Variants in KCNC3 observed in about 807,000 individuals in gnomAD.
KCNC3 encodes voltage-gated potassium channel KCNC3.
A neutral mutation model predicts 43.9 loss-of-function variants in KCNC3; 22 were observed. The observed-to-expected ratio is 0.50, with a 90% CI of 0.36 to 0.72. The LOEUF is 0.72. KCNC3 is among the 30% of genes least tolerant of loss of function. The probability of loss-of-function intolerance (pLI) is 0.00; values close to 1 mark genes in which losing one functional copy is unlikely to be tolerated. For synonymous variants in KCNC3, 492 were observed against 488.0 expected (o/e 1.01, Z -0.11); for missense variants, 829 against 1,073.8 (o/e 0.77, Z 3.19).
Position 50,324,001 on chromosome 19 carries a change from TATGG to T in KCNC3, c.948_951del (p.His317LeufsTer6), listed in dbSNP as rs2037071504. 1 of 1,612,234 alleles carries T rather than the reference TATGG, an allele frequency of 6.2e-7. No homozygotes were observed. Among genetic ancestry groups the T allele is most frequent in the African/African-American group, 1.3e-5 (1 of 74,834 alleles). ...GCCTGGGTCACCGTCTTGTTGCTAA[TATGG>T]ATGAAGCCCTCATGGGTTTCCAGGC... On this transcript the variant is annotated frameshift_variant, in exon 2 of 5. Coordinates refer to ENST00000477616, the MANE Select transcript of KCNC3 (RefSeq NM_004977.3). LOFTEE classifies it high-confidence loss of function. This position sits in a 1 kb window ranked among gnomAD's most constrained non-coding sequence, Gnocchi z 4.1.
chr19:50,322,562 G>T (rs115192723), intron 2 of KCNC3, among the ~76,000 whole-genome samples: 1 of 152,032 alleles, frequency 6.6e-6, no homozygotes, highest in Non-Finnish European at 1.5e-5. Flanking sequence ...AGACCCTATC[G>T]GCTTCAGTCT....
Position 50,327,821 on chromosome 19 carries a change from G to T in KCNC3, c.870+392C>A, listed in dbSNP as rs113571177. Among the ~76,000 whole-genome samples, 1,004 of 151,984 alleles carry T rather than the reference G, an allele frequency of 6.6e-3. 7 individuals carry two copies. The highest frequency in any genetic ancestry group is 9.1e-3 in the Non-Finnish European group (619 of 67,958). On this transcript the variant is annotated intron_variant, in intron 1 of 4. Coordinates refer to ENST00000477616, the MANE Select transcript of KCNC3 (RefSeq NM_004977.3). ...ACGGTGACCAAGAGTAGTGAGAAGA[G>T]ATTTGATGGGGCCCAGGAGACATGA...
rs2036943004 is a variant in KCNC3 at position 50,315,735 on chromosome 19, G to C, written c.*380C>G. The C allele has an allele frequency of 6.5e-6, 1 of 153,624 alleles. No individual in the cohort carries two copies. Among genetic ancestry groups the C allele is most frequent in the South Asian group, 2.1e-4 (1 of 4,768 alleles). 9.5% of individuals were successfully genotyped at this position (153,624 alleles called of 1,614,324 possible). On this transcript the variant is annotated 3_prime_UTR_variant, in exon 5 of 5. Transcript: ENST00000477616. ...GCGGTGAGGCGGAGGGCTGGGGAGA[G>C]GGACATCTTTAAAGGGTCCAAGAAG...
chr19:50,324,472 G>T lies in KCNC3; in HGVS notation c.871-390C>A, dbSNP rs1220683638. ...TCTGCTGTGGGACGGGAGCCGCCAG[G>T]CCTAAGATCACACATCCTGTGTGTC... On this transcript the variant is annotated intron_variant, in intron 1 of 4. Transcript: ENST00000477616. This position sits in a 1 kb window ranked among gnomAD's most constrained non-coding sequence, Gnocchi z 4.1. Among the ~76,000 whole-genome samples the T allele has an allele frequency of 6.6e-6, 1 of 152,094 alleles. No individual in the cohort carries two copies. The highest frequency in any genetic ancestry group is 2.4e-5 in the African/African-American group (1 of 41,424).
At position 50,322,158 on chromosome 19, in the gene KCNC3, G is replaced by A. The variant is rs141031476; in HGVS notation, c.1978+817C>T. Among the ~76,000 whole-genome samples the A allele has an allele frequency of 2.6e-5, 4 of 151,952 alleles. 1 individual carries two copies. In the South Asian group the frequency reaches 6.2e-4, roughly 24 times the overall value. ...ACTTAAGGCGGGGCAGTGCAGGGGG[G>A]GGCCACCAGCCTCTCCTTCCTCCTA... On this transcript the variant is annotated intron_variant, in intron 2 of 4. Transcript: ENST00000477616.
At chr19:50,326,471 C>G (rs1232342719) in intron 1 of KCNC3, among the ~76,000 whole-genome samples, 1 of 152,048 alleles carries the variant, frequency 6.6e-6, no homozygotes, top group Admixed American at 6.6e-5. Context: ...TGCGGTGGCT[C>G]CAGGCGTCCC....
upstream of KCNC3, among the ~76,000 whole-genome samples, chr19:50,329,992 C>G (rs1228819221): frequency 6.6e-6 from 1 of 152,100 alleles, no homozygotes; most frequent in Non-Finnish European, 1.5e-5. Context: ...TGAGGCAGGG[C>G]GCAGTGGCTC....
In KCNC3 at chr19:50,324,722, A is replaced by G. The variant is rs2037082024; in HGVS notation, c.871-640T>C. On this transcript the variant is annotated intron_variant, in intron 1 of 4. Coordinates refer to ENST00000477616, the MANE Select transcript of KCNC3 (RefSeq NM_004977.3). The surrounding 1 kb of genome is among the most constrained non-coding windows in gnomAD (Gnocchi z 4.1). Reference sequence around the variant, plus strand: ...GCGTACGAAGGACTTGGCTCCAAACACAGTGCTTGGAGCAGTGCCTGGAAC... The same window carrying G: ...GCGTACGAAGGACTTGGCTCCAAACGCAGTGCTTGGAGCAGTGCCTGGAAC... Among the ~76,000 whole-genome samples, 1 of 152,062 alleles carries G rather than the reference A, an allele frequency of 6.6e-6. No individual in the cohort carries two copies. The highest frequency in any genetic ancestry group is 2.4e-5 in the African/African-American group (1 of 41,436).
In KCNC3 at chr19:50,323,147, T is replaced by G. The variant is rs1295610374; in HGVS notation, c.1806A>C (p.Pro602=). 2.0e-6 allele frequency: 3 copies of G among 1,531,432 alleles called. No homozygotes were observed. Among genetic ancestry groups the G allele is most frequent in the South Asian group, 2.4e-5 (2 of 83,596 alleles). 94.9% of individuals were successfully genotyped at this position (1,531,432 alleles called of 1,614,324 possible). A position where few individuals can be genotyped will look rare whatever the true frequency, so the allele number is the denominator to read the frequency against. The change falls in exon 2 of 5, where the codon CCA becomes CCC. Residue 602 remains proline (P), a synonymous_variant. Transcript: ENST00000477616. ...CGGCCACAGTCACCCCCATGGAGGG[T>G]GGGGTGATGGGTGGCGGCGGGCTGA... is the stretch of plus-strand genomic sequence containing the variant. ...GGISPPPPIT[P]PSMGVTVAGA... is the part of the protein sequence containing the mutation.
Position 50,320,308 on chromosome 19 carries a change from G to T in KCNC3, c.2212C>A (p.Pro738Thr). ...TCGGGCAAGAAGCTTGGGGGGCCTGGCTTACGCCAGTCTTGGGGGGGCAGT... is the reference window on the plus strand; with the variant it reads ...TCGGGCAAGAAGCTTGGGGGGCCTGTCTTACGCCAGTCTTGGGGGGGCAGT... ...PPLPPQDWRKPGPPSFLPDLN... is the reference protein window; with the variant it reads ...PPLPPQDWRKTGPPSFLPDLN... Residue 738 changes from proline to threonine, a missense_variant, in exon 4 of 5, where the codon CCA (proline) becomes ACA (threonine). Around this residue, in one of 7 missense-constraint regions of KCNC3, gnomAD observed 308 missense variants for 276.2 expected, o/e 1.11. Coordinates refer to ENST00000477616, the MANE Select transcript of KCNC3 (RefSeq NM_004977.3). 5.8e-6 allele frequency: 4 copies of T among 686,272 alleles called. No homozygotes were observed. Among genetic ancestry groups the T allele is most frequent in the Non-Finnish European group, 8.3e-6 (4 of 481,780 alleles). The allele number at this position is 686,272 out of a possible 1,614,324, so 42.5% of individuals were successfully genotyped here. A position where few individuals can be genotyped will look rare whatever the true frequency, so the allele number is the denominator to read the frequency against.
chr19:50,326,827 G>A (rs1228237396), intron 1 of KCNC3, among the ~76,000 whole-genome samples: 1 of 151,428 alleles, frequency 6.6e-6, no homozygotes, highest in Admixed American at 6.6e-5. Flanking sequence ...GAGAGCTTTG[G>A]GGAAAATCTA....
Position 50,328,460 on chromosome 19 carries a change from G to A in KCNC3, c.623C>T (p.Ala208Val). ...GGCGTTGGCGGCGTTGGCGGCGCCC[G>A]CGGGGTCGGGCGCCTCGAAGGAGTC... ...ALDSFEAPDP[A>V]GAANAANAAG... is the part of the protein sequence containing the mutation. Residue 208 changes from alanine to valine, a missense_variant, in exon 1 of 5, where the codon GCG becomes GTG. By Grantham distance (64) the Ala-to-Val change is moderately conservative. Around this residue, in one of 7 missense-constraint regions of KCNC3, gnomAD observed 121 missense variants for 247.4 expected, o/e 0.49. Transcript: ENST00000477616. The A allele has an allele frequency of 1.3e-6, 2 of 1,575,284 alleles. No individual in the cohort carries two copies. Among genetic ancestry groups the A allele is most frequent in the Non-Finnish European group, 1.7e-6 (2 of 1,161,438 alleles).
Position 50,323,079 on chromosome 19 carries a change from C to G in KCNC3, c.1874G>C (p.Arg625Thr), listed in dbSNP as rs913429586. The part of the protein sequence containing the change: ...AGPHTHPGLL[R>T]GGAGGLGIMG... ...GATCCCCAGCCCACCCGCTCCCCCC[C>G]TGAGCAGCCCGGGGTGCGTGTGGGG... The change falls in exon 2 of 5, where the codon AGG becomes ACG. Residue 625 changes from arginine (R) to threonine (T), a missense_variant. By Grantham distance (71) the Arg-to-Thr change is moderately conservative. Transcript: ENST00000477616. The G allele has an allele frequency of 2.6e-6, 4 of 1,540,024 alleles. No individual in the cohort carries two copies. The highest frequency in any genetic ancestry group is 2.4e-5 in the South Asian group (2 of 83,208).
chr19:50,316,714 C>T (rs1336731346), intron 4 of KCNC3, among the ~76,000 whole-genome samples: 7 of 151,550 alleles, frequency 4.6e-5, no homozygotes, highest in South Asian at 2.1e-4. Context: ...CCAGCCTGGG[C>T]GACAGAGCGA....
chr19:50,316,975 G>A (rs2036962974), intron 4 of KCNC3, among the ~76,000 whole-genome samples: 1 of 151,930 alleles, frequency 6.6e-6, no homozygotes, highest in Admixed American at 6.6e-5. Flanking sequence ...ATGGATTTTG[G>A]CATCATAGGC....
At chr19:50,326,211 T>C (rs1166519040) in intron 1 of KCNC3, among the ~76,000 whole-genome samples, 1 of 151,990 alleles carries the variant, frequency 6.6e-6, no homozygotes, top group Non-Finnish European at 1.5e-5. Flanking sequence ...AGTAAATGAG[T>C]ATCTCCCGTA....
Position 50,328,916 on chromosome 19 carries a change from GGGGGGCCCGCC to G in KCNC3, c.156_166del (p.Ala53GlyfsTer44). On this transcript the variant is annotated frameshift_variant, in exon 1 of 5. Transcript: ENST00000477616. LOFTEE classifies it high-confidence loss of function. ...CCGGTCCCCGGGCCCGCGGGGTGCC[GGGGGGCCCGCC>G]GGGGACGCGGCGGGGCCGGGCTGCG... 6.9e-6 allele frequency: 6 copies of G among 872,828 alleles called. No individual in the cohort carries two copies. Among genetic ancestry groups the G allele is most frequent in the Non-Finnish European group, 8.2e-6 (6 of 728,928 alleles). 54.1% of individuals were successfully genotyped at this position (872,828 alleles called of 1,614,324 possible). A position where few individuals can be genotyped will look rare whatever the true frequency, so the allele number is the denominator to read the frequency against.
At position 50,323,405 on chromosome 19, in the gene KCNC3, C is replaced by A. The variant is rs2037061532; in HGVS notation, c.1548G>T (p.Gly516=). The change falls in exon 2 of 5, where the codon GGG becomes GGT. Residue 516 remains glycine (G), a synonymous_variant. Coordinates refer to ENST00000477616, the MANE Select transcript of KCNC3 (RefSeq NM_004977.3). ...YGDMYPKTWS[G]MLVGALCALA... is the part of the protein sequence containing the mutation. ...GGGCACACAGCGCCCCGACCAGCAT[C>A]CCCGACCACGTCTTGGGGTACATGT... is the stretch of plus-strand genomic sequence containing the variant. 2.5e-6 allele frequency: 4 copies of A among 1,614,232 alleles called. No individual in the cohort carries two copies. The highest frequency in any genetic ancestry group is 3.4e-6 in the Non-Finnish European group (4 of 1,180,042).
rs1432843963 is a variant in KCNC3 at position 50,313,934 on chromosome 19, TG to T, written c.*2180del. 2 of 151,700 alleles carry T rather than the reference TG, an allele frequency of 1.3e-5. No homozygotes were observed. The highest frequency in any genetic ancestry group is 2.9e-5 in the Non-Finnish European group (2 of 67,944). 9.4% of individuals were successfully genotyped at this position (151,700 alleles called of 1,614,324 possible). On this transcript the variant is annotated 3_prime_UTR_variant, in exon 5 of 5. Coordinates refer to ENST00000477616, the MANE Select transcript of KCNC3 (RefSeq NM_004977.3). ...GCAGAGGTTAAGTCGCAGGAGTGTG[TG>T]GGGATTGGGAGATGTGGCGTGCCAG...
Sources: allele counts gnomAD v4.1 joint callset (sites outside exome capture counted in the v4.1 genomes callset), GRCh38; gene constraint gnomAD v4.1.1; regional missense constraint gnomAD v4.1.1; non-coding constraint Gnocchi (gnomAD v3.1); transcripts MANE v1.5; gene names NCBI Gene and HGNC (gene_info 2026-07-23, HGNC 2026-07-21).